Variants in GULP1 observed in about 807,000 individuals in gnomAD.
GULP1 encodes GULP PTB domain containing engulfment adaptor 1.
Under a neutral mutation model 40.9 loss-of-function variants are expected in GULP1, and 19 were observed. The observed-to-expected ratio is 0.46, with a 90% CI of 0.32 to 0.68. The LOEUF is 0.68. Among genes scored for constraint, GULP1 ranks in the 30% least tolerant of loss-of-function variants. GULP1 has a pLI of 0.03. For missense variants in GULP1, 312 were observed against 362.2 expected, an observed-to-expected ratio of 0.86 and a Z score of 1.12; for synonymous variants, 119 against 117.6, an observed-to-expected ratio of 1.01 and a Z score of -0.08.
chr2:188,378,568 G>A (rs757791199), intron 1 of GULP1, among the ~76,000 whole-genome samples: 1 of 152,166 alleles, frequency 6.6e-6, no homozygotes, highest in Non-Finnish European at 1.5e-5. Flanking sequence ...TTCTGGTGAG[G>A]ACTTTAGGCT....
chr2:188,509,299 C>T (rs762668309), intron 4 of GULP1, among the ~76,000 whole-genome samples: 19 of 152,030 alleles, frequency 1.2e-4, no homozygotes, highest in Non-Finnish European at 2.2e-4. Flanking sequence ...ATTTTCTTTA[C>T]GGTTCCTTGT....
chr2:188,414,216 CAAAAAAA>C (rs774779119), intron 2 of GULP1, among the ~76,000 whole-genome samples: 6 of 44,688 alleles, frequency 1.3e-4, no homozygotes, highest in Admixed American at 4.8e-4. Context: ...GACTCCATCT[CAAAAAAA>C]AAAAAAAAAA....
intron 4 of GULP1, among the ~76,000 whole-genome samples, chr2:188,520,887 G>A (rs761744313): frequency 1.3e-5 from 2 of 151,854 alleles, no homozygotes; most frequent in South Asian, 2.1e-4. Flanking sequence ...GTTGTGCAGC[G>A]AACCCATTTT....
intron 2 of GULP1, among the ~76,000 whole-genome samples, chr2:188,429,475 G>A (rs902221631): frequency 6.6e-6 from 1 of 151,952 alleles, no homozygotes; most frequent in African/African-American, 2.4e-5. Context: ...ACTTCAGTCT[G>A]GTCAACAGAG....
intron 1 of GULP1, among the ~76,000 whole-genome samples, chr2:188,299,105 G>A (rs13007221): frequency 3.8e-4 from 57 of 151,964 alleles, no homozygotes; most frequent in Non-Finnish European, 7.4e-4. Context: ...GTGGCGGGGT[G>A]AGAAGCTTTG....
chr2:188,514,794 A>C (rs2065011995), intron 4 of GULP1, among the ~76,000 whole-genome samples: 1 of 152,202 alleles, frequency 6.6e-6, no homozygotes, highest in African/African-American at 2.4e-5. Flanking sequence ...TTTCAGGTAA[A>C]TAGCAATAAA....
chr2:188,495,651 C>T (rs575561808), intron 4 of GULP1, among the ~76,000 whole-genome samples: 2 of 152,030 alleles, frequency 1.3e-5, no homozygotes, highest in East Asian at 3.9e-4. Context: ...TAATGGCAAG[C>T]CTAGTATTTA....
At chr2:188,436,711 G>A (rs2057440344) in intron 2 of GULP1, among the ~76,000 whole-genome samples, 1 of 151,910 alleles carries the variant, frequency 6.6e-6, no homozygotes, top group Admixed American at 6.6e-5. Context: ...AATTTAACAG[G>A]TAGTTTATAC....
At chr2:188,328,749 G>A (rs1248959154) in intron 1 of GULP1, among the ~76,000 whole-genome samples, 1 of 152,084 alleles carries the variant, frequency 6.6e-6, no homozygotes, top group Non-Finnish European at 1.5e-5. Context: ...CCTAATGTCT[G>A]TTTCTTAAAG....
intron 2 of GULP1, among the ~76,000 whole-genome samples, chr2:188,422,874 G>A (rs1210619706): frequency 2.0e-5 from 3 of 152,052 alleles, no homozygotes; most frequent in Non-Finnish European, 4.4e-5. Context: ...CTGTGCCTGT[G>A]CTAATTAGAG....
intron 9 of GULP1, among the ~76,000 whole-genome samples, chr2:188,578,929 A>T (rs915986460): frequency 8.5e-5 from 13 of 152,156 alleles, no homozygotes; most frequent in African/African-American, 3.1e-4. Context: ...CAGCCAAAAA[A>T]AAGACTGGTT....
At chr2:188,509,602 A>C (rs2064295883) in intron 4 of GULP1, among the ~76,000 whole-genome samples, 1 of 152,090 alleles carries the variant, frequency 6.6e-6, no homozygotes, top group Non-Finnish European at 1.5e-5. Flanking sequence ...AGACTCCCTT[A>C]ATATGATCAC....
At chr2:188,309,152 A>G (rs1387530286) in intron 1 of GULP1, among the ~76,000 whole-genome samples, 5 of 152,146 alleles carry the variant, frequency 3.3e-5, no homozygotes, top group Non-Finnish European at 5.9e-5. Context: ...GAGATGTAAC[A>G]TCACGAATGA....
At chr2:188,295,367 A>G (rs1574169403) in intron 1 of GULP1, among the ~76,000 whole-genome samples, 1 of 152,180 alleles carries the variant, frequency 6.6e-6, no homozygotes, top group South Asian at 2.1e-4. Context: ...CCTGTATTCC[A>G]ATCAGCACCG....
chr2:188,526,029 C>T (rs1395700927), intron 5 of GULP1, among the ~76,000 whole-genome samples: 2 of 152,082 alleles, frequency 1.3e-5, no homozygotes. Flanking sequence ...TTGCCTAACA[C>T]TCTATATTCC....
At chr2:188,422,929 T>G (rs2055653349) in intron 2 of GULP1, among the ~76,000 whole-genome samples, 1 of 152,104 alleles carries the variant, frequency 6.6e-6, no homozygotes, top group Admixed American at 6.6e-5. Flanking sequence ...CTCTTTCGGT[T>G]TCCAGATGCC....
intron 9 of GULP1, among the ~76,000 whole-genome samples, chr2:188,579,394 T>A (rs916046123): frequency 8.6e-5 from 13 of 151,998 alleles, no homozygotes; most frequent in African/African-American, 2.7e-4. Context: ...ATTTTTAATT[T>A]AAAAATTTCT....
chr2:188,587,995 G>T (rs753707429), intron 11 of GULP1, 46 bp downstream of exon 11: 2 of 945,706 alleles, frequency 2.1e-6, no homozygotes, highest in South Asian at 1.3e-5. Flanking sequence ...ATTTCATTTT[G>T]ATATGGGACA....
intron 1 of GULP1, among the ~76,000 whole-genome samples, chr2:188,380,513 G>T (rs1302201607): frequency 6.6e-6 from 1 of 151,726 alleles, no homozygotes; most frequent in Non-Finnish European, 1.5e-5. Flanking sequence ...CAATCAGTGG[G>T]GATTGAACGT....
Sources: gnomAD v4.1 joint callset for allele counts (sites outside exome capture counted in the v4.1 genomes callset) on GRCh38, gnomAD v4.1.1 for gene constraint, MANE v1.5 for transcripts, NCBI Gene and HGNC (gene_info 2026-07-23, HGNC 2026-07-21) for gene names.